Variants in RSRC1 observed in about 807,000 individuals in gnomAD.
The protein encoded by RSRC1 is serine/Arginine-related protein 53.
In RSRC1, 39 loss-of-function variants were observed where a neutral mutation model predicts 49.1. That is an observed-to-expected ratio of 0.79 (90% CI 0.61 to 1.04). The LOEUF (loss-of-function observed/expected upper bound fraction) is 1.04, where lower values mean the gene tolerates loss of function less well. Among genes scored for constraint, RSRC1 ranks in the 50% least tolerant of loss-of-function variants. The probability of loss-of-function intolerance (pLI) is 0.00; values close to 1 mark genes in which losing one functional copy is unlikely to be tolerated. For synonymous variants in RSRC1, 143 were observed against 130.8 expected (o/e 1.09, Z -0.63); for missense variants, 388 against 402.4 (o/e 0.96, Z 0.31).
intron 6 of RSRC1, among the ~76,000 whole-genome samples, chr3:158,444,075 T>C (rs1306872167): frequency 6.6e-6 from 1 of 152,094 alleles, no homozygotes; most frequent in East Asian, 1.9e-4. Context: ...GTGACAGATA[T>C]CAACAGATGT....
intron 7 of RSRC1, among the ~76,000 whole-genome samples, chr3:158,530,007 G>C (rs1712288338): frequency 6.6e-6 from 1 of 151,834 alleles, no homozygotes; most frequent in Admixed American, 6.6e-5. Flanking sequence ...GCACAGGCCT[G>C]TCCTCCACTG....
chr3:158,448,960 A>G (rs777454370), intron 6 of RSRC1, among the ~76,000 whole-genome samples: 1 of 151,928 alleles, frequency 6.6e-6, no homozygotes, highest in African/African-American at 2.4e-5. Flanking sequence ...ATATGCTCCA[A>G]CTATTTATAT....
At chr3:158,239,314 G>T (rs1723429483) in intron 4 of RSRC1, among the ~76,000 whole-genome samples, 1 of 152,140 alleles carries the variant, frequency 6.6e-6, no homozygotes, top group Admixed American at 6.5e-5. Flanking sequence ...ATTACTCAAG[G>T]ATCTAGAACT....
intron 3 of RSRC1, among the ~76,000 whole-genome samples, chr3:158,168,770 A>C (rs1435556034): frequency 6.6e-6 from 1 of 152,194 alleles, no homozygotes; most frequent in Non-Finnish European, 1.5e-5. Context: ...TTTATTAGTT[A>C]ATGTTGGAGG....
chr3:158,461,620 T>C (rs1427457709), intron 7 of RSRC1, among the ~76,000 whole-genome samples: 1 of 151,850 alleles, frequency 6.6e-6, no homozygotes, highest in Non-Finnish European at 1.5e-5. Flanking sequence ...CACGGGGGAT[T>C]ATATACATAT....
intron 3 of RSRC1, among the ~76,000 whole-genome samples, chr3:158,136,560 T>C (rs777968822): frequency 1.3e-5 from 2 of 148,330 alleles, no homozygotes; most frequent in Non-Finnish European, 2.9e-5. Flanking sequence ...TGAGGTCTTA[T>C]AGAGGTACAG....
chr3:158,270,436 G>A (rs778879426), intron 4 of RSRC1, among the ~76,000 whole-genome samples: 5 of 152,162 alleles, frequency 3.3e-5, no homozygotes, highest in Non-Finnish European at 5.9e-5. Flanking sequence ...ATGGAATTGC[G>A]CTGTGCCAGT....
In RSRC1 at chr3:158,228,865, A is replaced by ATGTATATAAACACATAGGTGTATATG. The variant is rs1722681988; in HGVS notation, c.494+25636_494+25637insGGTGTATATGTGTATATAAACACATA. The stretch of plus-strand genomic sequence containing the variant: ...TATATAAACACACATACGTGTATAT[A>ATGTATATAAACACATAGGTGTATATG]TGTATATAAACACATACGTGTAATG... On this transcript the variant is annotated intron_variant, in intron 4 of 9. Transcript: ENST00000611884. 3.3e-5 allele frequency among the ~76,000 whole-genome samples: 2 copies of ATGTATATAAACACATAGGTGTATATG among 60,012 alleles called. 1 individual carries two copies. The highest frequency in any genetic ancestry group is 6.1e-5 in the Non-Finnish European group (2 of 32,784). The allele number at this position is 60,012 out of a possible 152,430, so 39.4% of individuals were successfully genotyped here. A position where few individuals can be genotyped will look rare whatever the true frequency, so the allele number is the denominator to read the frequency against.
At chr3:158,422,634 C>A (rs1012685497) in intron 6 of RSRC1, among the ~76,000 whole-genome samples, 6 of 150,416 alleles carry the variant, frequency 4.0e-5, no homozygotes, top group African/African-American at 9.8e-5. Flanking sequence ...AGTTCTAGAT[C>A]CCTGAGGAAT....
chr3:158,155,122 C>G (rs1717784164), intron 3 of RSRC1, among the ~76,000 whole-genome samples: 1 of 152,124 alleles, frequency 6.6e-6, no homozygotes, highest in Non-Finnish European at 1.5e-5. Flanking sequence ...CTTCCATACT[C>G]CTGTTAATTT....
At chr3:158,123,811 A>G in intron 2 of RSRC1, 55 bp from the exon 3 acceptor site, 1 of 1,523,736 alleles carries the variant, frequency 6.6e-7, no homozygotes, top group Non-Finnish European at 8.9e-7. Context: ...GTTTTTCCTT[A>G]ATGCTCATAA....
intron 1 of RSRC1, among the ~76,000 whole-genome samples, chr3:158,118,973 TTTAAC>T (rs10545235): frequency 0.029 from 4,466 of 152,266 alleles, 223 homozygotes; most frequent in African/African-American, 0.1. Context: ...GATTATAGAC[TTTAAC>T]TTAACTTAAT....
At chr3:158,222,174 G>A (rs1407084457) in intron 4 of RSRC1, among the ~76,000 whole-genome samples, 1 of 151,434 alleles carries the variant, frequency 6.6e-6, no homozygotes, top group Admixed American at 6.6e-5. Flanking sequence ...ATTCTGAGGA[G>A]CACATAATTG....
intron 4 of RSRC1, among the ~76,000 whole-genome samples, chr3:158,218,252 G>A (rs1383607428): frequency 6.6e-6 from 1 of 151,604 alleles, no homozygotes; most frequent in African/African-American, 2.4e-5. Flanking sequence ...GCTGCAGTGT[G>A]GAAAACAGAT....
intron 4 of RSRC1, among the ~76,000 whole-genome samples, chr3:158,209,147 T>G (rs1721517602): frequency 6.6e-6 from 1 of 152,194 alleles, no homozygotes; most frequent in Non-Finnish European, 1.5e-5. Context: ...TGCTGTGGTT[T>G]GAATATGTCT....
At chr3:158,218,547 T>G (rs945445728) in intron 4 of RSRC1, among the ~76,000 whole-genome samples, 1 of 151,614 alleles carries the variant, frequency 6.6e-6, no homozygotes, top group Non-Finnish European at 1.5e-5. Context: ...TACATTTGCT[T>G]TGGACATACT....
intron 4 of RSRC1, among the ~76,000 whole-genome samples, chr3:158,288,397 C>G (rs1317618482): frequency 1.3e-5 from 2 of 152,174 alleles, no homozygotes; most frequent in African/African-American, 4.8e-5. Flanking sequence ...GAATAGCTTG[C>G]ATCTCACCTG....
chr3:158,139,495 C>T (rs533714590), intron 3 of RSRC1, among the ~76,000 whole-genome samples: 1 of 152,084 alleles, frequency 6.6e-6, no homozygotes, highest in Non-Finnish European at 1.5e-5. Context: ...TAGTACCATA[C>T]GAAACTGCAT....
At chr3:158,388,622 T>C (rs200008658) in intron 6 of RSRC1, among the ~76,000 whole-genome samples, 11 of 150,900 alleles carry the variant, frequency 7.3e-5, no homozygotes, top group East Asian at 5.8e-4. Flanking sequence ...GTTTTTTTTT[T>C]TTTTTTGAGA....
Sources: allele counts gnomAD v4.1 joint callset (sites outside exome capture counted in the v4.1 genomes callset), GRCh38; gene constraint gnomAD v4.1.1; transcripts MANE v1.5; gene names NCBI Gene and HGNC (gene_info 2026-07-23, HGNC 2026-07-21).